The following MAP6 variants were observed in gnomAD, a reference collection of about 807,000 sequenced individuals.
MAP6 encodes the protein microtubule associated protein 6.
In MAP6, 26 loss-of-function variants were observed where a neutral mutation model predicts 42.4. The ratio of observed to expected loss-of-function variants is 0.61; its 90% CI spans 0.45 to 0.85. MAP6 has a LOEUF of 0.85. Ranked by LOEUF, MAP6 falls within the 40% of genes least tolerant of loss-of-function variation. MAP6 has a pLI of 0.00. For missense variants in MAP6, 966 were observed against 1,099.0 expected (o/e 0.88, Z 1.71); for synonymous variants, 418 against 443.8 (o/e 0.94, Z 0.73).
At chr11:75,659,553 A>G (rs763025614) in intron 1 of MAP6, among the ~76,000 whole-genome samples, 3 of 152,216 alleles carry the variant, frequency 2.0e-5, no homozygotes. Flanking sequence ...AAATGTATCT[A>G]AGGTTTCTAG....
chr11:75,647,167 G>C (rs1027713308), intron 1 of MAP6, among the ~76,000 whole-genome samples: 7 of 151,228 alleles, frequency 4.6e-5, no homozygotes, highest in African/African-American at 1.7e-4. Context: ...TTTTAGTAGA[G>C]ACGATTTTTT....
intron 1 of MAP6, among the ~76,000 whole-genome samples, chr11:75,627,261 G>C (rs1159219881): frequency 6.6e-6 from 1 of 152,230 alleles, no homozygotes; most frequent in Admixed American, 6.5e-5. Flanking sequence ...GAGAGACCTA[G>C]GGGTCCTGGA....
chr11:75,606,854 T>C (rs958404905), intron 2 of MAP6, among the ~76,000 whole-genome samples: 1 of 152,248 alleles, frequency 6.6e-6, no homozygotes, highest in Non-Finnish European at 1.5e-5. Context: ...TGGCCTTGCC[T>C]GCTCTTTCTC....
intron 1 of MAP6, among the ~76,000 whole-genome samples, chr11:75,645,875 G>C (rs115480377): frequency 0.024 from 3,645 of 152,000 alleles, 143 homozygotes; most frequent in African/African-American, 0.081. Flanking sequence ...TAAGATATAT[G>C]AAAAATAAGG....
intron 1 of MAP6, among the ~76,000 whole-genome samples, chr11:75,641,035 G>C (rs943726618): frequency 6.6e-6 from 1 of 152,044 alleles, no homozygotes; most frequent in African/African-American, 2.4e-5. Flanking sequence ...ACATGCACAC[G>C]TATGTTTATT....
intron 1 of MAP6, among the ~76,000 whole-genome samples, chr11:75,617,384 C>T (rs555074669): frequency 5.3e-5 from 8 of 151,536 alleles, no homozygotes; most frequent in South Asian, 4.2e-4. Flanking sequence ...GGTGTGGTGG[C>T]GGGTGCTTGT....
intron 1 of MAP6, among the ~76,000 whole-genome samples, chr11:75,630,622 C>T (rs925017183): frequency 2.0e-5 from 3 of 152,198 alleles, no homozygotes; most frequent in Non-Finnish European, 4.4e-5. Flanking sequence ...GTGTGACCTA[C>T]TAGTCACTCC....
intron 3 of MAP6, chr11:75,604,083 A>G (rs1295325195): frequency 2.0e-6 from 2 of 985,806 alleles, no homozygotes; most frequent in Admixed American, 6.1e-5. Flanking sequence ...GAGACCCACC[A>G]GCATTTTCTA....
intron 1 of MAP6, among the ~76,000 whole-genome samples, chr11:75,666,255 G>C (rs1328994580): frequency 6.6e-6 from 1 of 152,114 alleles, no homozygotes; most frequent in Non-Finnish European, 1.5e-5. Flanking sequence ...TGTTCTGTTA[G>C]CTAATTGATG....
chr11:75,613,147 C>T (rs1477632807), intron 1 of MAP6, among the ~76,000 whole-genome samples: 1 of 152,190 alleles, frequency 6.6e-6, no homozygotes, highest in African/African-American at 2.4e-5. Flanking sequence ...TCTTTACATT[C>T]TTCACAGGAT....
intron 1 of MAP6, among the ~76,000 whole-genome samples, chr11:75,615,957 C>T (rs1055958697): frequency 1.9e-4 from 5 of 26,118 alleles, no homozygotes; most frequent in East Asian, 6.1e-4. Flanking sequence ...GTGCGCGGGG[C>T]GGCAGGGGGC....
At chr11:75,588,304 G>T in intron 3 of MAP6, 120 bp from the exon 4 acceptor site, 1 of 797,066 alleles carries the variant, frequency 1.3e-6, no homozygotes, top group Non-Finnish European at 1.9e-6. Context: ...TCTTGCTGGA[G>T]AGCCAGGAGA....
chr11:75,621,841 G>A (rs547554711), intron 1 of MAP6, among the ~76,000 whole-genome samples: 6 of 152,216 alleles, frequency 3.9e-5, no homozygotes, highest in South Asian at 2.1e-4. Context: ...TGGCCAACAC[G>A]GGGAAACCTC....
At chr11:75,607,573 G>A (rs1218094218) in intron 2 of MAP6, 1 of 985,468 alleles carries the variant, frequency 1.0e-6, no homozygotes, top group Non-Finnish European at 1.2e-6. Context: ...GATGTGACAG[G>A]TGTGTTGTGA....
chr11:75,598,459 G>A (rs1373566619), intron 3 of MAP6, among the ~76,000 whole-genome samples: 2 of 152,166 alleles, frequency 1.3e-5, no homozygotes, highest in Non-Finnish European at 2.9e-5. Flanking sequence ...ATGCAATCAA[G>A]ACTGTTTAGA....
intron 2 of MAP6, chr11:75,607,113 A>G (rs1362061264): frequency 1.9e-6 from 1 of 531,530 alleles, no homozygotes; most frequent in Non-Finnish European, 2.4e-6. Flanking sequence ...AAAGGAACCA[A>G]TCGTCCTGGT....
At position 75,597,717 on chromosome 11, in the gene MAP6, A is replaced by G. The variant is rs78864934; in HGVS notation, c.1316+8091T>C. 5.0e-3 allele frequency among the ~76,000 whole-genome samples: 763 copies of G among 152,292 alleles called. 11 individuals are homozygous for G. The highest frequency in any genetic ancestry group is 0.017 in the African/African-American group (721 of 41,550). On this transcript the variant is annotated intron_variant, in intron 3 of 3. Transcript: ENST00000304771. Reference sequence around the variant, plus strand: ...CCTGCATCCAGAGGGGATCACTCCAAATGAATGTGGAATTGCAGAGATGGA... The same window carrying G: ...CCTGCATCCAGAGGGGATCACTCCAGATGAATGTGGAATTGCAGAGATGGA...
chr11:75,602,754 G>A, intron 3 of MAP6: 8 of 842,716 alleles, frequency 9.5e-6, no homozygotes, highest in Non-Finnish European at 1.0e-5. Flanking sequence ...AGAGCCCCAG[G>A]AAGACTGCAG....
chr11:75,612,302 TGGAATGTA>T (rs1942911142), intron 1 of MAP6, among the ~76,000 whole-genome samples: 1 of 152,196 alleles, frequency 6.6e-6, no homozygotes, highest in African/African-American at 2.4e-5. Flanking sequence ...GCCAAGGGCA[TGGAATGTA>T]CCCCACAGGG....
Sources: allele counts gnomAD v4.1 joint callset (sites outside exome capture counted in the v4.1 genomes callset), GRCh38; gene constraint gnomAD v4.1.1; transcripts MANE v1.5; gene names NCBI Gene and HGNC (gene_info 2026-07-23, HGNC 2026-07-21).